ATP10A: variants seen among roughly 807,000 people sequenced by gnomAD.
ATP10A encodes the protein ATPase phospholipid transporting 10A (putative), also known as phospholipid-transporting ATPase VA.
Under a neutral mutation model 147.8 loss-of-function variants are expected in ATP10A, and 111 were observed. The ratio of observed to expected loss-of-function variants is 0.75; its 90% CI spans 0.64 to 0.88. ATP10A has a LOEUF of 0.88. Among genes scored for constraint, ATP10A ranks in the 40% least tolerant of loss-of-function variants. The probability of loss-of-function intolerance (pLI) is 0.00; values close to 1 mark genes in which losing one functional copy is unlikely to be tolerated. For synonymous variants in ATP10A, 875 were observed against 841.6 expected, an observed-to-expected ratio of 1.04 and a Z score of -0.69; for missense variants, 1,927 against 1,959.0, an observed-to-expected ratio of 0.98 and a Z score of 0.31.
chr15:25,696,770 G>A (rs1475029483), intron 13 of ATP10A, among the ~76,000 whole-genome samples: 6 of 152,246 alleles, frequency 3.9e-5, no homozygotes, highest in Non-Finnish European at 8.8e-5. Context: ...GGGGTTCCCA[G>A]TGCTCTGAGA....
chr15:25,809,908 C>G (rs571824557), intron 1 of ATP10A, among the ~76,000 whole-genome samples: 2 of 152,080 alleles, frequency 1.3e-5, no homozygotes, highest in Admixed American at 6.5e-5. Flanking sequence ...AGTGGCCTGC[C>G]CTGGTAGTCA....
chr15:25,723,605 T>TA (rs1445233436), intron 6 of ATP10A, among the ~76,000 whole-genome samples: 2 of 151,898 alleles, frequency 1.3e-5, no homozygotes, highest in Non-Finnish European at 2.9e-5. Context: ...CTATTTTTTT[T>TA]AAAAGTAACT....
In ATP10A at chr15:25,735,969, G is replaced by A. The variant is rs551672726; in HGVS notation, c.740+87C>T. ...CACCATGTGGCAAAGAGTATTAAAT[G>A]CATACTTTATAACTGAGAATGTGTA... On this transcript the variant is annotated intron_variant, in intron 3 of 20. Coordinates refer to ENST00000555815, the MANE Select transcript of ATP10A (RefSeq NM_024490.4). 9.2e-5 allele frequency: 108 copies of A among 1,172,686 alleles called. No individual in the cohort carries two copies. In the African/African-American group the frequency reaches 1.3e-3, roughly 14 times the overall value. The allele number at this position is 1,172,686 out of a possible 1,614,324, so 72.6% of individuals were successfully genotyped here.
intron 1 of ATP10A, among the ~76,000 whole-genome samples, chr15:25,827,071 G>A (rs1465272042): frequency 1.3e-5 from 2 of 152,206 alleles, no homozygotes; most frequent in Non-Finnish European, 2.9e-5. Flanking sequence ...GCTGACTTCT[G>A]ATCAGAAATC....
chr15:25,692,404 G>A (rs1036123589), intron 14 of ATP10A, among the ~76,000 whole-genome samples: 3 of 152,192 alleles, frequency 2.0e-5, no homozygotes, highest in Non-Finnish European at 4.4e-5. Context: ...GGAAAGGACA[G>A]CAGAGTCATA....
intron 10 of ATP10A, chr15:25,710,308 C>G (rs988568451): frequency 2.6e-4 from 40 of 152,414 alleles, no homozygotes; most frequent in African/African-American, 9.4e-4. Flanking sequence ...CAGGGACAGT[C>G]GAGAGCTCTG....
At chr15:25,799,492 T>C (rs1450054745) in intron 1 of ATP10A, among the ~76,000 whole-genome samples, 1 of 152,108 alleles carries the variant, frequency 6.6e-6, no homozygotes, top group Non-Finnish European at 1.5e-5. Flanking sequence ...TTCAGCAAAA[T>C]TCCTCACTAA....
In ATP10A at chr15:25,718,296, A is replaced by C. The variant is rs773890625; in HGVS notation, c.1467T>G (p.Ser489Arg). 3 of 1,611,338 alleles carry C rather than the reference A, an allele frequency of 1.9e-6. No homozygotes were observed. Among genetic ancestry groups the C allele is most frequent in the Admixed American group, 3.3e-5 (2 of 59,922 alleles). The change falls in exon 8 of 21, where the codon AGT becomes AGG. Residue 489 changes from serine to arginine, a missense_variant. Coordinates refer to ENST00000555815, the MANE Select transcript of ATP10A (RefSeq NM_024490.4). ...SQRGSIGSHQSVRVVHRTQST... is the reference protein window; with the variant it reads ...SQRGSIGSHQRVRVVHRTQST... ...TCTGGGTTCTGTGCACCACCCGGAC[A>C]CTCTGGTGGCTGCCGATGCTGCCGC...
chr15:25,735,884 C>G (rs1175730306), intron 3 of ATP10A, among the ~76,000 whole-genome samples, 172 bp downstream of exon 3: 1 of 152,174 alleles, frequency 6.6e-6, no homozygotes, highest in Non-Finnish European at 1.5e-5. Context: ...TGACAACAGG[C>G]TCTTACTTCC....
intron 17 of ATP10A, among the ~76,000 whole-genome samples, chr15:25,683,048 G>A (rs1899510610): frequency 6.6e-6 from 1 of 152,092 alleles, no homozygotes; most frequent in African/African-American, 2.4e-5. Context: ...TGGACTCTGG[G>A]CTTTTCTTGG....
intron 2 of ATP10A, 36 bp downstream of exon 2, chr15:25,780,983 A>C: frequency 6.2e-7 from 1 of 1,604,370 alleles, no homozygotes; most frequent in East Asian, 2.2e-5. Context: ...GTGTGGCTGT[A>C]ATGCCTGCAA....
chr15:25,827,406 C>T (rs1453425238), intron 1 of ATP10A, among the ~76,000 whole-genome samples: 1 of 151,976 alleles, frequency 6.6e-6, no homozygotes, highest in Non-Finnish European at 1.5e-5. Context: ...TCTTTTTTCC[C>T]CTTGATTTAA....
intron 3 of ATP10A, among the ~76,000 whole-genome samples, chr15:25,732,358 C>A (rs1003710316): frequency 6.6e-6 from 1 of 151,958 alleles, no homozygotes; most frequent in Non-Finnish European, 1.5e-5. Context: ...ACATCAGCCT[C>A]CCAGGTAGCT....
chr15:25,756,033 T>C (rs1011800616), intron 2 of ATP10A, among the ~76,000 whole-genome samples: 3 of 152,232 alleles, frequency 2.0e-5, no homozygotes, highest in South Asian at 2.1e-4. Flanking sequence ...CATCTTGCCT[T>C]AACTGGGCCT....
At position 25,679,890 on chromosome 15, in the gene ATP10A, T is replaced by C; in HGVS notation, c.3951A>G (p.Arg1317=). 1 of 1,610,574 alleles carries C rather than the reference T, an allele frequency of 6.2e-7. No homozygotes were observed. The highest frequency in any genetic ancestry group is 8.5e-7 in the Non-Finnish European group (1 of 1,179,800). The change falls in exon 21 of 21, where the codon AGA becomes AGG. Residue 1317 remains arginine, a synonymous_variant. Coordinates refer to ENST00000555815, the MANE Select transcript of ATP10A (RefSeq NM_024490.4). ...CAAAGGTCTCTTTGGGAGCACTGCATCTCCTGGGGGACTTCCTGGTCAACT... is the reference window on the plus strand; with the variant it reads ...CAAAGGTCTCTTTGGGAGCACTGCACCTCCTGGGGGACTTCCTGGTCAACT... ...ARQLTRKSPR[R]CSAPKETFAQ...
intron 1 of ATP10A, among the ~76,000 whole-genome samples, chr15:25,855,518 C>A (rs2140917566): frequency 6.8e-6 from 1 of 147,706 alleles, no homozygotes; most frequent in African/African-American, 2.5e-5. Flanking sequence ...AACCCCACAG[C>A]TTGAAATCTC....
At chr15:25,853,732 A>T (rs904871522) in intron 1 of ATP10A, among the ~76,000 whole-genome samples, 3 of 152,132 alleles carry the variant, frequency 2.0e-5, no homozygotes, top group Admixed American at 2.0e-4. Context: ...AGGCCATGGC[A>T]TAGCACCCAG....
At chr15:25,843,989 A>C (rs1480151503) in intron 1 of ATP10A, among the ~76,000 whole-genome samples, 1 of 152,154 alleles carries the variant, frequency 6.6e-6, no homozygotes, top group Non-Finnish European at 1.5e-5. Context: ...GCCAAAACTG[A>C]GACAGCGCCC....
downstream of ATP10A, among the ~76,000 whole-genome samples, chr15:25,674,275 C>A (rs1290569057): frequency 1.3e-5 from 2 of 152,198 alleles, no homozygotes; most frequent in African/African-American, 4.8e-5. Context: ...AACAGAATAA[C>A]CATGGCAGCC....
Sources: gnomAD v4.1 joint callset for allele counts (sites outside exome capture counted in the v4.1 genomes callset) on GRCh38, gnomAD v4.1.1 for gene constraint, MANE v1.5 for transcripts, NCBI Gene and HGNC (gene_info 2026-07-23, HGNC 2026-07-21) for gene names.